Variants in YEATS2 observed in about 807,000 individuals in gnomAD.
YEATS2 encodes YEATS domain containing 2.
In YEATS2, 77 loss-of-function variants were observed where a neutral mutation model predicts 163.2. The observed-to-expected ratio is 0.47, with a 90% CI of 0.39 to 0.57. The LOEUF (loss-of-function observed/expected upper bound fraction) is 0.57. Ranked by LOEUF, YEATS2 falls within the 20% of genes least tolerant of loss-of-function variation. The probability of loss-of-function intolerance (pLI) is 0.00; values close to 1 mark genes in which losing one functional copy is unlikely to be tolerated. For missense variants in YEATS2, 1,549 were observed against 1,729.8 expected (o/e 0.90, Z 1.85); for synonymous variants, 631 against 645.1 (o/e 0.98, Z 0.33).
chr3:183,765,225 T>C lies in YEATS2; in HGVS notation c.1947+2946T>C, dbSNP rs530955188. ...GGCTTGTCGTATATGTACCTCAAAATCTGTTTTGCTTCACATAGGGATATG... is the reference window on the plus strand; with the variant it reads ...GGCTTGTCGTATATGTACCTCAAAACCTGTTTTGCTTCACATAGGGATATG... On this transcript the variant is annotated intron_variant, in intron 15 of 30. Coordinates refer to ENST00000305135, the MANE Select transcript of YEATS2 (RefSeq NM_018023.5). Among the ~76,000 whole-genome samples the C allele has an allele frequency of 3.3e-5, 5 of 152,230 alleles. No homozygotes were observed. In the East Asian group the frequency reaches 7.7e-4, roughly 23 times the overall value.
At chr3:183,798,232 C>T (rs1250026711) in intron 22 of YEATS2, among the ~76,000 whole-genome samples, 181 bp downstream of exon 22, 1 of 150,558 alleles carries the variant, frequency 6.6e-6, no homozygotes, top group East Asian at 1.9e-4. Flanking sequence ...TGCTAGGGCA[C>T]CAATGCCAGG....
chr3:183,774,746 AC>A (rs751369751), intron 17 of YEATS2, among the ~76,000 whole-genome samples: 24 of 152,158 alleles, frequency 1.6e-4, no homozygotes, highest in South Asian at 8.3e-4. Flanking sequence ...TTGGAAGTTA[AC>A]CGCCCTTGCC....
In YEATS2 at chr3:183,800,612, T is replaced by C. The variant is rs767968995; in HGVS notation, c.3428+44T>C. On this transcript the variant is annotated intron_variant, in intron 24 of 30. Transcript: ENST00000305135. ...CCTAAAGGAATTCCGCTTCGGGTGT[T>C]TGTCACGCCTGTGACAGCTGAGTAT... 10 of 1,517,328 alleles carry C rather than the reference T, an allele frequency of 6.6e-6. No homozygotes were observed. In the South Asian group the frequency reaches 9.2e-5, roughly 14 times the overall value. 94.0% of individuals were successfully genotyped at this position (1,517,328 alleles called of 1,614,324 possible). A position where few individuals can be genotyped will look rare whatever the true frequency, so the allele number is the denominator to read the frequency against.
intron 15 of YEATS2, among the ~76,000 whole-genome samples, chr3:183,763,122 A>G (rs1415336210): frequency 6.6e-6 from 1 of 152,148 alleles, no homozygotes; most frequent in Non-Finnish European, 1.5e-5. Context: ...TCAATTGGAA[A>G]TGTAGCCATG....
At chr3:183,699,815 GC>G (rs574176473) in intron 1 of YEATS2, among the ~76,000 whole-genome samples, 78 of 152,294 alleles carry the variant, frequency 5.1e-4, no homozygotes, top group Middle Eastern at 6.8e-3. Flanking sequence ...TTTTATCAGG[GC>G]TTCTGAGATG....
At chr3:183,722,238 G>A in intron 5 of YEATS2, 102 bp downstream of exon 5, 1 of 1,200,940 alleles carries the variant, frequency 8.3e-7, no homozygotes, top group Non-Finnish European at 1.1e-6. Flanking sequence ...GGAATCTTAG[G>A]AAATAGGTTT....
intron 19 of YEATS2, among the ~76,000 whole-genome samples, chr3:183,782,384 C>T (rs181719611): frequency 1.1e-4 from 17 of 151,926 alleles, no homozygotes; most frequent in African/African-American, 3.6e-4. Context: ...GCTAGGATTA[C>T]GGACATGAGC....
At chr3:183,705,330 G>A (rs577959296) in intron 1 of YEATS2, among the ~76,000 whole-genome samples, 96 of 152,284 alleles carry the variant, frequency 6.3e-4, no homozygotes, top group Admixed American at 1.2e-3. Flanking sequence ...GATTACAAGC[G>A]TGAGCCACCA....
In YEATS2 at chr3:183,812,412, A is replaced by T. The variant is rs1726885648; in HGVS notation, c.*1829A>T. The T allele has an allele frequency of 1.3e-5, 2 of 152,618 alleles. No individual in the cohort carries two copies. The highest frequency in any genetic ancestry group is 1.9e-4 in the East Asian group (1 of 5,202). The allele number at this position is 152,618 out of a possible 1,614,324, so 9.5% of individuals were successfully genotyped here. A position where few individuals can be genotyped will look rare whatever the true frequency, so the allele number is the denominator to read the frequency against. ...GTGGATAGATTGCTTCAGCAAAGTG[A>T]ACTGTGAGATCTCCAGGACAGAGGG... On this transcript the variant is annotated 3_prime_UTR_variant, in exon 31 of 31. Coordinates refer to ENST00000305135, the MANE Select transcript of YEATS2 (RefSeq NM_018023.5).
rs1292089997 is a variant in YEATS2 at position 183,800,464 on chromosome 3, A to T, written c.3326-2A>T. On this transcript the variant is annotated splice_acceptor_variant, in intron 23 of 30. Transcript: ENST00000305135. LOFTEE classifies it high-confidence loss of function. ...TGCCTCTTTGTTGCTCTTCCCTTGT[A>T]GTGAAGACTGAACCAGAAACACCTG... The T allele has an allele frequency of 6.2e-7, 1 of 1,612,800 alleles. No individual in the cohort carries two copies. The highest frequency in any genetic ancestry group is 8.5e-7 in the Non-Finnish European group (1 of 1,178,998).
intron 8 of YEATS2, among the ~76,000 whole-genome samples, chr3:183,740,662 T>C (rs750988923): frequency 6.6e-6 from 1 of 152,162 alleles, no homozygotes; most frequent in African/African-American, 2.4e-5. Context: ...CAGATGTTGG[T>C]TCGTGAGGTT....
Position 183,720,790 on chromosome 3 carries a change from C to T in YEATS2, c.292-1101C>T, listed in dbSNP as rs141223712. Among the ~76,000 whole-genome samples the T allele has an allele frequency of 4.6e-5, 7 of 152,290 alleles. No individual in the cohort carries two copies. In the East Asian group the frequency reaches 1.2e-3, roughly 25 times the overall value. On this transcript the variant is annotated intron_variant, in intron 4 of 30. Transcript: ENST00000305135. ...TAGAAGTCCAAAATCAAGGTGTCAA[C>T]AGGGCAGTGCTCCCTCCTAAGGCTC...
chr3:183,786,459 T>C (rs1421577578), intron 20 of YEATS2, among the ~76,000 whole-genome samples, 158 bp downstream of exon 20: 3 of 152,114 alleles, frequency 2.0e-5, no homozygotes, highest in African/African-American at 7.2e-5. Flanking sequence ...AGTCCCCATT[T>C]TGTAGTATAT....
At chr3:183,805,232 C>T (rs1037133906) in intron 27 of YEATS2, among the ~76,000 whole-genome samples, 2 of 151,720 alleles carry the variant, frequency 1.3e-5, no homozygotes, top group East Asian at 1.9e-4. Flanking sequence ...AGGACCTTGT[C>T]GCTACAAAAA....
chr3:183,805,155 T>G (rs1175813470), intron 27 of YEATS2, among the ~76,000 whole-genome samples: 1 of 151,970 alleles, frequency 6.6e-6, no homozygotes, highest in Non-Finnish European at 1.5e-5. Flanking sequence ...ATCCCAGCAC[T>G]TTGGGAGTCA....
chr3:183,808,021 CT>C lies in YEATS2; in HGVS notation c.4012-5del. On this transcript the variant is annotated splice_region_variant and splice_polypyrimidine_tract_variant and intron_variant, in intron 28 of 30. Coordinates refer to ENST00000305135, the MANE Select transcript of YEATS2 (RefSeq NM_018023.5). ...GATACGAACAAACGGCTTTCTTCTG[CT>C]TTTCCAGATTGGGATCACCCTGCAG... 1 of 1,557,170 alleles carries C rather than the reference CT, an allele frequency of 6.4e-7. No individual in the cohort carries two copies. The highest frequency in any genetic ancestry group is 8.7e-7 in the Non-Finnish European group (1 of 1,149,658).
intron 15 of YEATS2, among the ~76,000 whole-genome samples, chr3:183,769,656 G>T (rs1450791081): frequency 6.6e-6 from 1 of 152,068 alleles, no homozygotes; most frequent in African/African-American, 2.4e-5. Flanking sequence ...TCTTTGTGAC[G>T]CTATAGTTTA....
At chr3:183,715,350 A>G (rs964172170) in intron 2 of YEATS2, 88 bp downstream of exon 2, 4 of 974,454 alleles carry the variant, frequency 4.1e-6, no homozygotes, top group South Asian at 1.4e-5. Flanking sequence ...ATGAATTTCC[A>G]CTGTTATGTA....
At chr3:183,733,448 A>G (rs186658427) in intron 7 of YEATS2, among the ~76,000 whole-genome samples, 4 of 152,296 alleles carry the variant, frequency 2.6e-5, no homozygotes, top group Non-Finnish European at 5.9e-5. Context: ...CAGTTTATCT[A>G]TATTCCTTTT....
Sources: allele counts gnomAD v4.1 joint callset (sites outside exome capture counted in the v4.1 genomes callset), GRCh38; gene constraint gnomAD v4.1.1; transcripts MANE v1.5; gene names NCBI Gene and HGNC (gene_info 2026-07-23, HGNC 2026-07-21).